Variants in SLC22A11 observed in about 807,000 individuals in gnomAD.
The protein encoded by SLC22A11 is organic anion transporter 4.
A neutral mutation model predicts 49.4 loss-of-function variants in SLC22A11; 42 were observed. The ratio of observed to expected loss-of-function variants is 0.85; its 90% confidence interval spans 0.66 to 1.10. The LOEUF (loss-of-function observed/expected upper bound fraction) is 1.10, where lower values mean the gene tolerates loss of function less well. Among genes scored for constraint, SLC22A11 ranks in the 50% least tolerant of loss-of-function variants. The pLI is 0.00. For missense variants in SLC22A11, 685 were observed against 731.6 expected (o/e 0.94, Z 0.74); for synonymous variants, 304 against 315.8 (o/e 0.96, Z 0.40).
rs370693266 is a variant in SLC22A11, at chr11:64,559,467, C to G, written c.497+229C>G. Among the ~76,000 whole-genome samples, 1,196 of 151,754 alleles carry G rather than the reference C, an allele frequency of 7.9e-3. 9 individuals are homozygous for G. The highest frequency in any genetic ancestry group is 0.027 in the African/African-American group (1,127 of 41,286). ...TGGCCTGGTTCCCCTCACAGGGAGG[C>G]CACCCCAGGCCATCCCCCACCGCCC... is the stretch of plus-strand genomic sequence containing the variant. On this transcript the variant is annotated intron_variant, in intron 2 of 9. Coordinates refer to ENST00000301891, the MANE Select transcript of SLC22A11 (RefSeq NM_018484.4).
rs746936920 is a variant in SLC22A11, at chr11:64,564,433, G to C, written c.942+5G>C. 1 of 1,613,814 alleles carries C rather than the reference G, an allele frequency of 6.2e-7. No individual in the cohort carries two copies. Among genetic ancestry groups the C allele is most frequent in the African/African-American group, 1.3e-5 (1 of 74,910 alleles). ...GCCAAGAACCTGACCATAGAGGTGA[G>C]ATGCTGCTGTCTGCGAGACTTGACC... On this transcript the variant is annotated splice_donor_5th_base_variant and intron_variant, in intron 5 of 9. Transcript: ENST00000301891. This position sits in a 1 kb window ranked among gnomAD's most constrained non-coding sequence, Gnocchi z 4.2.
Position 64,569,782 on chromosome 11 carries a change from A to T in SLC22A11, c.1513A>T (p.Ser505Cys), listed in dbSNP as rs2038679834. 1 of 1,614,048 alleles carries T rather than the reference A, an allele frequency of 6.2e-7. No individual in the cohort carries two copies. ...LLYGVISIAS[S>C]LVVLFFLPET... is the part of the protein sequence containing the mutation. ...CTATGGCGTTATCTCCATTGCTTCC[A>T]GCCTGGTTGTGCTGTTCTTCCTCCC... The change falls in exon 9 of 10, where the codon AGC (serine) becomes TGC (cysteine). Residue 505 changes from serine to cysteine, a missense_variant. Transcript: ENST00000301891.
Position 64,565,613 on chromosome 11 carries a change from T to C in SLC22A11, c.1058+276T>C, listed in dbSNP as rs1026372101. The C allele has an allele frequency of 5.7e-6, 3 of 530,896 alleles. No individual in the cohort carries two copies. The highest frequency in any genetic ancestry group is 3.8e-5 in the African/African-American group (2 of 52,156). 32.9% of individuals were successfully genotyped at this position (530,896 alleles called of 1,614,324 possible). A position where few individuals can be genotyped will look rare whatever the true frequency, so the allele number is the denominator to read the frequency against. On this transcript the variant is annotated intron_variant, in intron 6 of 9. Transcript: ENST00000301891. This position sits in a 1 kb window ranked among gnomAD's most constrained non-coding sequence, Gnocchi z 4.1. ...TGGGGGTCCCAGGGTCCCAGGGAGG[T>C]CCCAAGACAGAGGCAGAGCCAGGGT... is the stretch of plus-strand genomic sequence containing the variant.
chr11:64,564,246 T>C lies in SLC22A11; in HGVS notation c.822-62T>C. 1 of 1,601,490 alleles carries C rather than the reference T, an allele frequency of 6.2e-7. No individual in the cohort carries two copies. The highest frequency in any genetic ancestry group is 1.3e-5 in the African/African-American group (1 of 74,820). On this transcript the variant is annotated intron_variant, in intron 4 of 9. Transcript: ENST00000301891. The surrounding 1 kb of genome is among the most constrained non-coding windows in gnomAD (Gnocchi z 4.2). ...GGAGGGTCCGTGCCCACTGCCCCTT[T>C]CCACCCCGCCCCGGGGGAGAGCCCA...
At chr11:64,556,953 C>A (rs1591371447) in intron 1 of SLC22A11, among the ~76,000 whole-genome samples, 1 of 152,180 alleles carries the variant, frequency 6.6e-6, no homozygotes, top group Non-Finnish European at 1.5e-5. Context: ...TTTGGCCAAG[C>A]AAAGCATTCT....
rs930407280 is a variant in SLC22A11 at position 64,572,746 on chromosome 11, T to C, written c.*1704T>C. ...CAGTGGCTCACAATAAGGATCACAC[T>C]TCTCCCCCTGCCTGGTCAGGCAGCC... is the stretch of plus-strand genomic sequence containing the variant. On this transcript the variant is annotated 3_prime_UTR_variant, in exon 10 of 10. Transcript: ENST00000301891. 1 of 152,168 alleles carries C rather than the reference T, an allele frequency of 6.6e-6. No individual in the cohort carries two copies. The highest frequency in any genetic ancestry group is 1.5e-5 in the Non-Finnish European group (1 of 68,032). 9.4% of individuals were successfully genotyped at this position (152,168 alleles called of 1,614,324 possible).
At chr11:64,560,400 AG>A (rs1381448109) in intron 2 of SLC22A11, among the ~76,000 whole-genome samples, 1 of 152,044 alleles carries the variant, frequency 6.6e-6, no homozygotes, top group African/African-American at 2.4e-5. Flanking sequence ...CACTGCACTG[AG>A]GACAGTCCCT....
chr11:64,558,855 G>T (rs1163431395), intron 1 of SLC22A11, among the ~76,000 whole-genome samples: 3 of 152,112 alleles, frequency 2.0e-5, no homozygotes, highest in African/African-American at 7.2e-5. Context: ...CCCCTTCAAG[G>T]CCCTGCTGCC....
At position 64,565,078 on chromosome 11, in the gene SLC22A11, C is replaced by T; in HGVS notation, c.943-144C>T. 2 of 639,946 alleles carry T rather than the reference C, an allele frequency of 3.1e-6. No individual in the cohort carries two copies. Among genetic ancestry groups the T allele is most frequent in the South Asian group, 4.0e-5 (2 of 49,666 alleles). 39.6% of individuals were successfully genotyped at this position (639,946 alleles called of 1,614,324 possible). On this transcript the variant is annotated intron_variant, in intron 5 of 9. Coordinates refer to ENST00000301891, the MANE Select transcript of SLC22A11 (RefSeq NM_018484.4). The surrounding 1 kb of genome is among the most constrained non-coding windows in gnomAD (Gnocchi z 4.1). Reference sequence around the variant, plus strand: ...AACCTTTTCTGCCCCATCCCCTCCCCTTCCCCTAGGGATCCAGCTTCCAGA... The same window carrying T: ...AACCTTTTCTGCCCCATCCCCTCCCTTTCCCCTAGGGATCCAGCTTCCAGA...
In SLC22A11 at chr11:64,569,699, T is replaced by C; in HGVS notation, c.1430T>C (p.Met477Thr). Residue 477 changes from methionine (M) to threonine (T), a missense_variant, in exon 9 of 10, where the codon ATG (methionine) becomes ACG (threonine). Met to Thr is a moderately conservative substitution (Grantham distance 81). Coordinates refer to ENST00000301891, the MANE Select transcript of SLC22A11 (RefSeq NM_018484.4). ...CATACAGTGGGCCGGCTGGGGGCTATGATGGGTCCCCTGATCCTGATGAGC... is the reference window on the plus strand; with the variant it reads ...CATACAGTGGGCCGGCTGGGGGCTACGATGGGTCCCCTGATCCTGATGAGC... ...ILHTVGRLGA[M>T]MGPLILMSRQ... 6.2e-7 allele frequency: 1 copy of C among 1,614,134 alleles called. No individual in the cohort carries two copies. Among genetic ancestry groups the C allele is most frequent in the Admixed American group, 1.7e-5 (1 of 60,022 alleles).
In SLC22A11 at chr11:64,567,715, C is replaced by T. The variant is rs756045635; in HGVS notation, c.1175C>T (p.Thr392Ile). The change falls in exon 7 of 10, where the codon ACT becomes ATT. Residue 392 changes from threonine to isoleucine, a missense_variant. Coordinates refer to ENST00000301891, the MANE Select transcript of SLC22A11 (RefSeq NM_018484.4). ...GTGGACTTCCTGGGCCGGGCCACCA[C>T]TGCCCTCTTGCTCAGTTTCCTTGGC... ...GAVDFLGRAT[T>I]ALLLSFLGRR... 2 of 1,613,900 alleles carry T rather than the reference C, an allele frequency of 1.2e-6. No individual in the cohort carries two copies. The highest frequency in any genetic ancestry group is 4.5e-5 in the East Asian group (2 of 44,876).
rs752500638 is a variant in SLC22A11, at chr11:64,562,221, C to T, written c.653-46C>T. The T allele has an allele frequency of 4.4e-6, 7 of 1,600,720 alleles. No homozygotes were observed. Among genetic ancestry groups the T allele is most frequent in the Middle Eastern group, 1.7e-4 (1 of 6,036 alleles). ...GGGGGTGGCAGGAGAGAATGGGGCT[C>T]AGGCCGCCGCATGAGGCCTCACCTG... is the stretch of plus-strand genomic sequence containing the variant. On this transcript the variant is annotated intron_variant, in intron 3 of 9. Coordinates refer to ENST00000301891, the MANE Select transcript of SLC22A11 (RefSeq NM_018484.4). This position sits in a 1 kb window ranked among gnomAD's most constrained non-coding sequence, Gnocchi z 4.4.
chr11:64,565,344 C>A lies in SLC22A11; in HGVS notation c.1058+7C>A. The stretch of plus-strand genomic sequence containing the variant: ...GCGCCATGCTGGTGGTGAAGTACGC[C>A]GTCCTGGTGTCCCTCCCCAAGGCAG... On this transcript the variant is annotated splice_region_variant and intron_variant, in intron 6 of 9. Coordinates refer to ENST00000301891, the MANE Select transcript of SLC22A11 (RefSeq NM_018484.4). The surrounding 1 kb of genome is among the most constrained non-coding windows in gnomAD (Gnocchi z 4.1). 2 of 1,545,768 alleles carry A rather than the reference C, an allele frequency of 1.3e-6. No homozygotes were observed. Among genetic ancestry groups the A allele is most frequent in the South Asian group, 1.2e-5 (1 of 83,960 alleles).
intron 9 of SLC22A11, among the ~76,000 whole-genome samples, chr11:64,570,131 G>T (rs1045576248): frequency 3.9e-5 from 6 of 152,246 alleles, no homozygotes; most frequent in Non-Finnish European, 8.8e-5. Context: ...GCCCAGGCTT[G>T]GCAGCCAGGT....
chr11:64,559,195 G>T lies in SLC22A11; in HGVS notation c.454G>T (p.Gly152Trp). 1.2e-6 allele frequency: 2 copies of T among 1,612,072 alleles called. No individual in the cohort carries two copies. The highest frequency in any genetic ancestry group is 2.2e-5 in the East Asian group (1 of 44,658). The stretch of plus-strand genomic sequence containing the variant: ...CCTAAGCCAGTCCATCTTCATGTCC[G>T]GGATCCTGGTGGGCTCCTTTATCTG... ...KPLSQSIFMS[G>W]ILVGSFIWGL... Residue 152 changes from glycine (G) to tryptophan (W), a missense_variant, in exon 2 of 10, where the codon GGG becomes TGG. Coordinates refer to ENST00000301891, the MANE Select transcript of SLC22A11 (RefSeq NM_018484.4).
At chr11:64,569,220 G>T (rs1468781763) in intron 8 of SLC22A11, among the ~76,000 whole-genome samples, 1 of 152,220 alleles carries the variant, frequency 6.6e-6, no homozygotes, top group Non-Finnish European at 1.5e-5. Context: ...GGTAAACTGA[G>T]GCTCGGGGTG....
intron 8 of SLC22A11, among the ~76,000 whole-genome samples, chr11:64,569,195 C>T (rs1269429386): frequency 6.6e-6 from 1 of 152,164 alleles, no homozygotes; most frequent in African/African-American, 2.4e-5. Context: ...AGGCCACCCC[C>T]ACATTTGATA....
At chr11:64,556,501 C>T (rs1179899599) in intron 1 of SLC22A11, 109 bp downstream of exon 1, 63 of 1,484,336 alleles carry the variant, frequency 4.2e-5, no homozygotes, top group Non-Finnish European at 5.3e-5. Flanking sequence ...CGCCTCCTCT[C>T]GAGCCTCTCA....
At chr11:64,556,647 C>T (rs948160736) in intron 1 of SLC22A11, among the ~76,000 whole-genome samples, 1 of 152,148 alleles carries the variant, frequency 6.6e-6, no homozygotes, top group Non-Finnish European at 1.5e-5. Context: ...TCGCCAGCCT[C>T]GCCTGGTCCC....
Sources: gnomAD v4.1 joint callset for allele counts (sites outside exome capture counted in the v4.1 genomes callset) on GRCh38, gnomAD v4.1.1 for gene constraint, Gnocchi (gnomAD v3.1) non-coding constraint, MANE v1.5 for transcripts, NCBI Gene and HGNC (gene_info 2026-07-23, HGNC 2026-07-21) for gene names.